The following MAGI1 variants were observed in gnomAD, a reference collection of about 807,000 sequenced individuals.
MAGI1 encodes membrane-associated guanylate kinase, WW and PDZ domain-containing protein 1.
In MAGI1, 58 loss-of-function variants were observed where a neutral mutation model predicts 139.9. The observed-to-expected ratio is 0.41, with a 90% CI of 0.34 to 0.52. The LOEUF (loss-of-function observed/expected upper bound fraction) is 0.52, where lower values mean the gene tolerates loss of function less well. Among genes scored for constraint, MAGI1 ranks in the 20% least tolerant of loss-of-function variants. The pLI is 0.12. For missense variants in MAGI1, 1,874 were observed against 1,901.6 expected, an observed-to-expected ratio of 0.99 and a Z score of 0.27; for synonymous variants, 812 against 737.9, an observed-to-expected ratio of 1.10 and a Z score of -1.63.
chr3:65,654,784 G>A (rs184180050), intron 1 of MAGI1, among the ~76,000 whole-genome samples: 1 of 152,222 alleles, frequency 6.6e-6, no homozygotes, highest in Admixed American at 6.5e-5. Flanking sequence ...TCTGTGTGGG[G>A]CCCACCAATT....
Position 65,741,170 on chromosome 3 carries a change from T to A in MAGI1, c.314-119082A>T, listed in dbSNP as rs543049008. On this transcript the variant is annotated intron_variant, in intron 1 of 22. Transcript: ENST00000402939. ...GTTCCATCAAAATAAAAGAGGTTGC[T>A]ATTATTGATTTTTTTTTTTTTTTAA... 2.8e-5 allele frequency among the ~76,000 whole-genome samples: 4 copies of A among 144,258 alleles called. No individual in the cohort carries two copies. In the East Asian group the frequency reaches 8.2e-4, roughly 30 times the overall value. 94.6% of individuals were successfully genotyped at this position (144,258 alleles called of 152,430 possible). A position where few individuals can be genotyped will look rare whatever the true frequency, so the allele number is the denominator to read the frequency against.
chr3:66,028,993 C>T (rs1389863689), intron 1 of MAGI1, among the ~76,000 whole-genome samples: 4 of 152,160 alleles, frequency 2.6e-5, no homozygotes, highest in African/African-American at 9.7e-5. Flanking sequence ...TCACTATGTG[C>T]CAAGCCCTGT....
chr3:66,010,573 G>T (rs543303794), intron 1 of MAGI1, among the ~76,000 whole-genome samples: 2 of 152,154 alleles, frequency 1.3e-5, no homozygotes, highest in African/African-American at 4.8e-5. Flanking sequence ...ACTTCTAGGC[G>T]TTCCTCACTT....
intron 1 of MAGI1, among the ~76,000 whole-genome samples, chr3:65,785,778 C>T (rs938442590): frequency 2.0e-5 from 3 of 152,112 alleles, no homozygotes; most frequent in Non-Finnish European, 4.4e-5. Context: ...TTGGAGACTA[C>T]ATCAAAATAT....
intron 13 of MAGI1, among the ~76,000 whole-genome samples, chr3:65,393,095 C>G (rs1944068491): frequency 6.6e-6 from 1 of 152,190 alleles, no homozygotes. Flanking sequence ...AAGTGCTCAG[C>G]TCAGATTTGG....
intron 1 of MAGI1, among the ~76,000 whole-genome samples, chr3:65,827,085 C>T (rs1337965852): frequency 6.6e-6 from 1 of 152,176 alleles, no homozygotes; most frequent in South Asian, 2.1e-4. Context: ...AAAGTAATCA[C>T]CTGATTAAAG....
intron 1 of MAGI1, among the ~76,000 whole-genome samples, chr3:65,830,965 T>C (rs918598586): frequency 9.2e-5 from 14 of 152,192 alleles, no homozygotes; most frequent in African/African-American, 3.4e-4. Context: ...TAAACTCATT[T>C]AGACTCTGCC....
At chr3:65,945,221 TTTTAAC>T (rs1171830844) in intron 1 of MAGI1, among the ~76,000 whole-genome samples, 3 of 152,182 alleles carry the variant, frequency 2.0e-5, no homozygotes, top group African/African-American at 7.2e-5. Context: ...TTGTTGTTGT[TTTTAAC>T]TTTTACTTTA....
chr3:65,870,208 T>C (rs1298852098), intron 1 of MAGI1, among the ~76,000 whole-genome samples: 1 of 151,822 alleles, frequency 6.6e-6, no homozygotes, highest in African/African-American at 2.4e-5. Context: ...CTTAATTTAA[T>C]AGGCTGCCTG....
chr3:65,597,181 C>T (rs2082250434), intron 2 of MAGI1, among the ~76,000 whole-genome samples: 1 of 151,912 alleles, frequency 6.6e-6, no homozygotes, highest in African/African-American at 2.4e-5. Context: ...TCCCCCCTCC[C>T]TTCCCCTGCC....
chr3:65,626,119 A>T (rs1288053813), intron 1 of MAGI1, among the ~76,000 whole-genome samples: 1 of 152,220 alleles, frequency 6.6e-6, no homozygotes, highest in African/African-American at 2.4e-5. Context: ...AGTTCTTGAC[A>T]TTAAAAAGAC....
chr3:65,962,200 G>A (rs2064469320), intron 1 of MAGI1, among the ~76,000 whole-genome samples: 1 of 147,312 alleles, frequency 6.8e-6, no homozygotes, highest in South Asian at 2.1e-4. Flanking sequence ...TCCGTTCACT[G>A]CAAGCTCTGC....
At chr3:65,410,153 A>C (rs1945673090) in intron 12 of MAGI1, among the ~76,000 whole-genome samples, 2 of 152,220 alleles carry the variant, frequency 1.3e-5, no homozygotes, top group African/African-American at 4.8e-5. Context: ...ATTCCTGAGA[A>C]ATAAATGGTC....
chr3:65,968,519 A>T (rs1215077471), intron 1 of MAGI1, among the ~76,000 whole-genome samples: 3 of 152,084 alleles, frequency 2.0e-5, no homozygotes, highest in Non-Finnish European at 4.4e-5. Flanking sequence ...GTGGAAAAAA[A>T]CAAGGAGCAG....
chr3:65,778,866 C>T (rs576088071), intron 1 of MAGI1, among the ~76,000 whole-genome samples: 2 of 152,298 alleles, frequency 1.3e-5, no homozygotes, highest in South Asian at 2.1e-4. Flanking sequence ...AGGTCCTCAA[C>T]CAGGGACAGT....
intron 1 of MAGI1, among the ~76,000 whole-genome samples, chr3:65,667,934 T>C: frequency 6.6e-6 from 1 of 152,188 alleles, no homozygotes; most frequent in Non-Finnish European, 1.5e-5. Flanking sequence ...GCAAGGGATT[T>C]TCATCAAGTA....
chr3:65,572,292 T>C (rs1407766692), intron 2 of MAGI1, among the ~76,000 whole-genome samples: 1 of 151,996 alleles, frequency 6.6e-6, no homozygotes, highest in Admixed American at 6.6e-5. Flanking sequence ...TGATCTAAGG[T>C]CAAATGACCT....
At chr3:65,714,483 A>G (rs983614058) in intron 1 of MAGI1, among the ~76,000 whole-genome samples, 4 of 152,026 alleles carry the variant, frequency 2.6e-5, no homozygotes, top group African/African-American at 9.7e-5. Flanking sequence ...CACCCTCCTC[A>G]GGACTTGGGG....
At chr3:65,925,483 C>A (rs916880838) in intron 1 of MAGI1, among the ~76,000 whole-genome samples, 1 of 152,152 alleles carries the variant, frequency 6.6e-6, no homozygotes, top group Non-Finnish European at 1.5e-5. Context: ...TTCCCTGATG[C>A]AGAGTTAAGA....
Sources: gnomAD v4.1 joint callset for allele counts (sites outside exome capture counted in the v4.1 genomes callset) on GRCh38, gnomAD v4.1.1 for gene constraint, MANE v1.5 for transcripts, NCBI Gene and HGNC (gene_info 2026-07-23, HGNC 2026-07-21) for gene names.